ZFAND5: variants seen among roughly 807,000 people sequenced by gnomAD.
The protein encoded by ZFAND5 is AN1-type zinc finger protein 5.
Under a neutral mutation model 23.6 loss-of-function variants are expected in ZFAND5, and 4 were observed. The ratio of observed to expected loss-of-function variants is 0.17; its 90% confidence interval spans 0.08 to 0.39. ZFAND5 has a LOEUF of 0.39. Ranked by LOEUF, ZFAND5 falls within the 10% of genes least tolerant of loss-of-function variation. The probability of loss-of-function intolerance (pLI) is 1.00; values close to 1 mark genes in which losing one functional copy is unlikely to be tolerated. For synonymous variants in ZFAND5, 68 were observed against 80.6 expected, an observed-to-expected ratio of 0.84 and a Z score of 0.84; for missense variants, 161 against 253.7, an observed-to-expected ratio of 0.63 and a Z score of 2.48.
rs1587863600 is a variant in ZFAND5, at chr9:72,353,333, T to C, written c.*2620A>G. The C allele has an allele frequency of 2.0e-5, 3 of 152,158 alleles. 1 individual carries two copies. The highest frequency in any genetic ancestry group is 6.5e-5 in the Admixed American group (1 of 15,276). The allele number at this position is 152,158 out of a possible 1,614,324, so 9.4% of individuals were successfully genotyped here. ...GGACAACCCTGACAAATCTTTGTTCTGATCTGGTTTAATGTTTCTTGTAAA... is the reference window on the plus strand; with the variant it reads ...GGACAACCCTGACAAATCTTTGTTCCGATCTGGTTTAATGTTTCTTGTAAA... On this transcript the variant is annotated 3_prime_UTR_variant, in exon 7 of 7. Coordinates refer to ENST00000376962, the MANE Select transcript of ZFAND5 (RefSeq NM_001102420.3).
intron 6 of ZFAND5, among the ~76,000 whole-genome samples, chr9:72,356,618 T>TC (rs1191721619): frequency 6.6e-6 from 1 of 152,162 alleles, no homozygotes; most frequent in Non-Finnish European, 1.5e-5. Context: ...CCAAGAACAT[T>TC]CCCTGCATAG....
At position 72,352,834 on chromosome 9, in the gene ZFAND5, G is replaced by A. The variant is rs1392594818; in HGVS notation, c.*3119C>T. 2.6e-5 allele frequency: 4 copies of A among 152,218 alleles called. No homozygotes were observed. In the East Asian group the frequency reaches 7.7e-4, roughly 29 times the overall value. The allele number at this position is 152,218 out of a possible 1,614,324, so 9.4% of individuals were successfully genotyped here. Reference sequence around the variant, plus strand: ...TAAGTGTTGTCACCTTCACACTCCTGAAGGTGGTTGCTGTCTTCATTTAAG... The same window carrying A: ...TAAGTGTTGTCACCTTCACACTCCTAAAGGTGGTTGCTGTCTTCATTTAAG... On this transcript the variant is annotated 3_prime_UTR_variant, in exon 7 of 7. Transcript: ENST00000376962.
At chr9:72,364,534 T>C in intron 1 of ZFAND5, 162 bp downstream of exon 1, 7 of 1,278,962 alleles carry the variant, frequency 5.5e-6, no homozygotes, top group Non-Finnish European at 7.1e-6. Flanking sequence ...GCCTCCGTCT[T>C]TGTGCTTCCT....
Position 72,353,264 on chromosome 9 carries a change from C to T in ZFAND5, c.*2689G>A, listed in dbSNP as rs186557491. 28 of 152,274 alleles carry T rather than the reference C, an allele frequency of 1.8e-4. No homozygotes were observed. Among genetic ancestry groups the T allele is most frequent in the Admixed American group, 1.6e-3 (24 of 15,290 alleles). The allele number at this position is 152,274 out of a possible 1,614,324, so 9.4% of individuals were successfully genotyped here. A position where few individuals can be genotyped will look rare whatever the true frequency, so the allele number is the denominator to read the frequency against. On this transcript the variant is annotated 3_prime_UTR_variant, in exon 7 of 7. Transcript: ENST00000376962. ...GCAAGAATTTGGGTAGAACTGAGTC[C>T]TCTCAGGTGCCTTACACACTGATTC... is the stretch of plus-strand genomic sequence containing the variant.
intron 2 of ZFAND5, among the ~76,000 whole-genome samples, chr9:72,362,661 C>G (rs1842138330): frequency 6.6e-6 from 1 of 152,218 alleles, no homozygotes; most frequent in African/African-American, 2.4e-5. Context: ...AAATAACTTT[C>G]AACTGCGAGA....
At chr9:72,364,298 T>G in intron 1 of ZFAND5, 4 of 551,276 alleles carry the variant, frequency 7.3e-6, no homozygotes, top group Non-Finnish European at 1.0e-5. Flanking sequence ...GAACGGCTCC[T>G]CTTAGGGGAG....
chr9:72,357,729 T>C (rs975839851), intron 5 of ZFAND5, among the ~76,000 whole-genome samples: 2 of 152,066 alleles, frequency 1.3e-5, no homozygotes, highest in African/African-American at 4.8e-5. Flanking sequence ...TTTAAACTAT[T>C]AAGGATTCCA....
At chr9:72,357,078 A>G in intron 5 of ZFAND5, 22 bp from the exon 6 acceptor site, 2 of 1,605,472 alleles carry the variant, frequency 1.2e-6, no homozygotes, top group Non-Finnish European at 1.7e-6. Context: ...AAAAACACAA[A>G]TTTGTCAAGC....
intron 6 of ZFAND5, 83 bp downstream of exon 6, chr9:72,356,848 A>G: frequency 6.9e-7 from 1 of 1,443,898 alleles, no homozygotes; most frequent in East Asian, 2.4e-5. Flanking sequence ...TATGTGTAAG[A>G]CCAACTAGTC....
Position 72,359,480 on chromosome 9 carries a change from G to A in ZFAND5, c.305C>T (p.Thr102Ile). 3 of 1,613,624 alleles carry A rather than the reference G, an allele frequency of 1.9e-6. No individual in the cohort carries two copies. The highest frequency in any genetic ancestry group is 1.7e-5 in the Admixed American group (1 of 59,978). The change falls in exon 5 of 7, where the codon ACA (threonine) becomes ATA (isoleucine). Residue 102 changes from threonine (T) to isoleucine (I), a missense_variant. Transcript: ENST00000376962. Reference sequence around the variant, plus strand: ...GTCCTCTCTTGAAATGCTCATTTCTGTCATTTGCTGAGTTACAGGCAAGGC... The same window carrying A: ...GTCCTCTCTTGAAATGCTCATTTCTATCATTTGCTGAGTTACAGGCAAGGC... ...VAALPVTQQM[T>I]EMSISREDKI...
chr9:72,356,533 A>G (rs1369104590), intron 6 of ZFAND5, among the ~76,000 whole-genome samples: 5 of 152,202 alleles, frequency 3.3e-5, no homozygotes, highest in East Asian at 3.9e-4. Context: ...CAGTCCTACC[A>G]TATCTTAAGT....
rs1473944546 is a variant in ZFAND5, at chr9:72,353,956, G to A, written c.*1997C>T. 2.6e-5 allele frequency: 4 copies of A among 151,236 alleles called. No individual in the cohort carries two copies. The highest frequency in any genetic ancestry group is 5.9e-5 in the Non-Finnish European group (4 of 67,574). 9.4% of individuals were successfully genotyped at this position (151,236 alleles called of 1,614,324 possible). A position where few individuals can be genotyped will look rare whatever the true frequency, so the allele number is the denominator to read the frequency against. On this transcript the variant is annotated 3_prime_UTR_variant, in exon 7 of 7. Transcript: ENST00000376962. ...TATTTCCACCCCAAACTCCATCACAGAGAAGCAACAGTTGCACTCTGGTAA... is the reference window on the plus strand; with the variant it reads ...TATTTCCACCCCAAACTCCATCACAAAGAAGCAACAGTTGCACTCTGGTAA...
At chr9:72,358,754 T>C (rs891450440) in intron 5 of ZFAND5, among the ~76,000 whole-genome samples, 5 of 152,122 alleles carry the variant, frequency 3.3e-5, no homozygotes, top group Admixed American at 1.3e-4. Context: ...AAGTTTTATA[T>C]TGCATTTAAT....
In ZFAND5 at chr9:72,357,071, A is replaced by G. The variant is rs149601955; in HGVS notation, c.368-15T>C. 5.6e-6 allele frequency: 9 copies of G among 1,607,026 alleles called. No homozygotes were observed. Among genetic ancestry groups the G allele is most frequent in the Non-Finnish European group, 7.6e-6 (9 of 1,176,844 alleles). ...CTGAGTGACAACTGAAAAGGACAAA[A>G]ACACAAATTTGTCAAGCATTCACTG... On this transcript the variant is annotated splice_polypyrimidine_tract_variant and intron_variant, in intron 5 of 6. Coordinates refer to ENST00000376962, the MANE Select transcript of ZFAND5 (RefSeq NM_001102420.3).
intron 1 of ZFAND5, 140 bp downstream of exon 1, chr9:72,364,556 C>G (rs548275885): frequency 7.9e-7 from 1 of 1,270,580 alleles, no homozygotes. Flanking sequence ...GGCTGGCGGG[C>G]GGGCTCCCCT....
In ZFAND5 at chr9:72,364,732, GC is replaced by G. The variant is rs1186023241; in HGVS notation, c.-184del. 2 of 722,110 alleles carry G rather than the reference GC, an allele frequency of 2.8e-6. No homozygotes were observed. Among genetic ancestry groups the G allele is most frequent in the Non-Finnish European group, 3.6e-6 (2 of 562,164 alleles). The allele number at this position is 722,110 out of a possible 1,614,324, so 44.7% of individuals were successfully genotyped here. ...CCAAATGCGAAAGCCGGGTTCGCGC[GC>G]GAAGCCGGCACGATGAGGCCGGGCC... On this transcript the variant is annotated 5_prime_UTR_variant, in exon 1 of 7. Transcript: ENST00000376962.
chr9:72,360,522 T>G, intron 3 of ZFAND5, 106 bp downstream of exon 3: 1 of 1,464,458 alleles, frequency 6.8e-7, no homozygotes, highest in South Asian at 1.2e-5. Context: ...CAAGCTCTTA[T>G]CAGGTGTTCT....
intron 2 of ZFAND5, among the ~76,000 whole-genome samples, chr9:72,363,071 C>A (rs1473285175): frequency 6.6e-6 from 1 of 152,064 alleles, no homozygotes; most frequent in African/African-American, 2.4e-5. Context: ...AAAGCATAGT[C>A]AAAGCTAAAA....
chr9:72,359,575 C>T, intron 4 of ZFAND5, 54 bp from the exon 5 acceptor site: 1 of 1,480,616 alleles, frequency 6.8e-7, no homozygotes, highest in Non-Finnish European at 9.3e-7. Flanking sequence ...CTTCTTGAGA[C>T]AATGAATAAG....
Sources: allele counts gnomAD v4.1 joint callset (sites outside exome capture counted in the v4.1 genomes callset), GRCh38; gene constraint gnomAD v4.1.1; transcripts MANE v1.5; gene names NCBI Gene and HGNC (gene_info 2026-07-23, HGNC 2026-07-21).